PRKAG2: variants seen among roughly 807,000 people sequenced by gnomAD.
PRKAG2 encodes protein kinase AMP-activated non-catalytic subunit gamma 2.
PRKAG2 carries 26 observed loss-of-function variants against 69.6 expected under a neutral mutation model. The ratio of observed to expected loss-of-function variants is 0.37; its 90% CI spans 0.27 to 0.52. PRKAG2 has a LOEUF of 0.52. Ranked by LOEUF, PRKAG2 falls within the 20% of genes least tolerant of loss-of-function variation. The pLI, the probability that PRKAG2 is intolerant of heterozygous loss-of-function variation, is 0.90. For synonymous variants in PRKAG2, 293 were observed against 285.0 expected (o/e 1.03, Z -0.28); for missense variants, 557 against 740.0 (o/e 0.75, Z 2.87).
chr7:151,697,721 G>A (rs1217473276), intron 3 of PRKAG2, among the ~76,000 whole-genome samples: 3 of 152,076 alleles, frequency 2.0e-5, no homozygotes, highest in Non-Finnish European at 4.4e-5. Flanking sequence ...GCAGGGAGGG[G>A]GTGTGGACGC....
chr7:151,707,091 GA>G lies in PRKAG2; in HGVS notation c.467-31455del, dbSNP rs1280412676. 4.6e-5 allele frequency among the ~76,000 whole-genome samples: 7 copies of G among 151,964 alleles called. No individual in the cohort carries two copies. The South Asian group carries it at 8.4e-4, about 18-fold the overall frequency. ...GTTTCAGAAGGAAATGCTCACAGGG[GA>G]CCACAAGTCCCCAGGACATTTAACA... On this transcript the variant is annotated intron_variant, in intron 3 of 15. Transcript: ENST00000287878.
intron 4 of PRKAG2, among the ~76,000 whole-genome samples, chr7:151,661,823 T>A (rs751677217): frequency 1.3e-5 from 2 of 152,226 alleles, no homozygotes; most frequent in Non-Finnish European, 2.9e-5. Context: ...ACCATTTCAA[T>A]GGCTACTTTC....
At chr7:151,774,617 G>A (rs2076246272) in intron 3 of PRKAG2, among the ~76,000 whole-genome samples, 1 of 152,092 alleles carries the variant, frequency 6.6e-6, no homozygotes, top group African/African-American at 2.4e-5. Context: ...GACCAGCCTG[G>A]CCAACATGGC....
chr7:151,698,863 G>A (rs138943993), intron 3 of PRKAG2, among the ~76,000 whole-genome samples: 17 of 152,298 alleles, frequency 1.1e-4, no homozygotes, highest in Admixed American at 2.0e-4. Context: ...GGATACCAGC[G>A]TCAGCCCCTT....
intron 1 of PRKAG2, among the ~76,000 whole-genome samples, chr7:151,842,159 T>G (rs2079314592): frequency 7.2e-6 from 1 of 139,028 alleles, no homozygotes; most frequent in African/African-American, 2.7e-5. Flanking sequence ...ATGGTAGTGA[T>G]GGTAGTGATG....
rs559642603 is a variant in PRKAG2, at chr7:151,856,387, G to A, written c.114+20120C>T. On this transcript the variant is annotated intron_variant, in intron 1 of 15. Transcript: ENST00000287878. ...GAGCACGCTGGAGTGGCCCCGAGGC[G>A]GGCCCCTGCGGAGGCTTGCAGCTCC... Among the ~76,000 whole-genome samples, 12 of 152,370 alleles carry A rather than the reference G, an allele frequency of 7.9e-5. No individual in the cohort carries two copies. The South Asian group carries it at 1.7e-3, about 21-fold the overall frequency.
chr7:151,759,782 A>T (rs1361077926), intron 3 of PRKAG2, among the ~76,000 whole-genome samples: 1 of 152,244 alleles, frequency 6.6e-6, no homozygotes, highest in African/African-American at 2.4e-5. Context: ...CCGCCTGGCC[A>T]GCTGTTCTCA....
chr7:151,834,626 T>C (rs1299988666), intron 1 of PRKAG2, among the ~76,000 whole-genome samples: 2 of 152,208 alleles, frequency 1.3e-5, no homozygotes, highest in African/African-American at 4.8e-5. Context: ...CTACCCCTAC[T>C]TGCTGGAATG....
intron 3 of PRKAG2, among the ~76,000 whole-genome samples, chr7:151,779,969 T>C (rs1306897827): frequency 6.6e-6 from 1 of 152,212 alleles, no homozygotes; most frequent in Non-Finnish European, 1.5e-5. Context: ...AAGGAAATTG[T>C]GACAACCCCA....
intron 3 of PRKAG2, among the ~76,000 whole-genome samples, chr7:151,770,766 C>T (rs764034803): frequency 6.6e-6 from 1 of 152,164 alleles, no homozygotes; most frequent in Non-Finnish European, 1.5e-5. Context: ...AGCCCTGTCT[C>T]TTGGGTTTTA....
intron 3 of PRKAG2, among the ~76,000 whole-genome samples, chr7:151,754,979 G>T (rs2074980793): frequency 6.6e-6 from 1 of 152,138 alleles, no homozygotes; most frequent in Admixed American, 6.5e-5. Context: ...GGATGGAAAT[G>T]AGCATGTTGG....
chr7:151,866,861 C>G lies in PRKAG2; in HGVS notation c.114+9646G>C, dbSNP rs112718977. On this transcript the variant is annotated intron_variant, in intron 1 of 15. Coordinates refer to ENST00000287878, the MANE Select transcript of PRKAG2 (RefSeq NM_016203.4). Reference sequence around the variant, plus strand: ...GAGCTGTCCTCCCACCCCCACCCCTCGCACACACCTCTGCACCCCTGGCCC... The same window carrying G: ...GAGCTGTCCTCCCACCCCCACCCCTGGCACACACCTCTGCACCCCTGGCCC... Among the ~76,000 whole-genome samples the G allele has an allele frequency of 5.5e-3, 835 of 151,532 alleles. 9 individuals carry two copies. The highest frequency in any genetic ancestry group is 0.02 in the African/African-American group (803 of 41,158).
At chr7:151,839,318 C>A (rs2079221838) in intron 1 of PRKAG2, among the ~76,000 whole-genome samples, 2 of 152,206 alleles carry the variant, frequency 1.3e-5, no homozygotes, top group Non-Finnish European at 2.9e-5. Flanking sequence ...GGCAAGGCAG[C>A]GTGGCCGGGC....
At chr7:151,802,859 C>T (rs981163169) in intron 1 of PRKAG2, among the ~76,000 whole-genome samples, 9 of 151,978 alleles carry the variant, frequency 5.9e-5, no homozygotes, top group Non-Finnish European at 1.0e-4. Context: ...TTAATCCCCC[C>T]GTGCCAGCAT....
chr7:151,605,552 C>T (rs1351278374), intron 5 of PRKAG2, among the ~76,000 whole-genome samples: 1 of 149,750 alleles, frequency 6.7e-6, no homozygotes, highest in Non-Finnish European at 1.5e-5. Flanking sequence ...TCCTGGGCAA[C>T]ATGGCGAAAC....
At chr7:151,615,200 C>T (rs12113302) in intron 5 of PRKAG2, among the ~76,000 whole-genome samples, 2,748 of 152,340 alleles carry the variant, frequency 0.018, 79 homozygotes, top group African/African-American at 0.063. Context: ...CTGGAAAGGG[C>T]ATGATCTCAT....
chr7:151,869,578 T>C (rs1462770523), intron 1 of PRKAG2, among the ~76,000 whole-genome samples: 1 of 152,228 alleles, frequency 6.6e-6, no homozygotes, highest in Non-Finnish European at 1.5e-5. Context: ...GGCTCCGCAC[T>C]ATTCCCCCAT....
intron 5 of PRKAG2, among the ~76,000 whole-genome samples, chr7:151,610,125 G>T (rs1018240717): frequency 2.6e-5 from 4 of 152,154 alleles, no homozygotes; most frequent in African/African-American, 9.7e-5. Context: ...CAGCACTTTC[G>T]GAGGCCGAGG....
chr7:151,849,836 G>C (rs1325240968), intron 1 of PRKAG2, among the ~76,000 whole-genome samples: 4 of 152,202 alleles, frequency 2.6e-5, no homozygotes, highest in Non-Finnish European at 5.9e-5. Context: ...TCTTCGCTAA[G>C]TACATCTGCC....
Sources: allele counts gnomAD v4.1 joint callset (sites outside exome capture counted in the v4.1 genomes callset), GRCh38; gene constraint gnomAD v4.1.1; transcripts MANE v1.5; gene names NCBI Gene and HGNC (gene_info 2026-07-23, HGNC 2026-07-21).